Variants in CUX1 observed in about 807,000 individuals in gnomAD.
The protein encoded by CUX1 is protein CASP.
In CUX1, 31 loss-of-function variants were observed where a neutral mutation model predicts 158.8. That is an observed-to-expected ratio of 0.20 (90% CI 0.15 to 0.26). The LOEUF is 0.26. Ranked by LOEUF, CUX1 falls within the 10% of genes least tolerant of loss-of-function variation. The pLI is 1.00. For synonymous variants in CUX1, 879 were observed against 862.1 expected (o/e 1.02, Z -0.34); for missense variants, 1,589 against 2,014.6 (o/e 0.79, Z 4.04).
At chr7:102,131,754 C>G (rs1833267243) in intron 8 of CUX1, among the ~76,000 whole-genome samples, 1 of 151,332 alleles carries the variant, frequency 6.6e-6, no homozygotes, top group Non-Finnish European at 1.5e-5. Flanking sequence ...CTCACTGCAA[C>G]CTCTGCCTCC....
chr7:102,278,628 T>TTAAAATAAAATAAAATAAAATAAAA (rs55743678), intron 18 of CUX1, among the ~76,000 whole-genome samples: 4 of 101,676 alleles, frequency 3.9e-5, no homozygotes, highest in African/African-American at 1.1e-4. Flanking sequence ...TAAAATAAAA[T>TTAAAATAAAATAAAATAAAATAAAA]TAAAATAAAA....
chr7:101,830,646 AG>A (rs367818500), intron 1 of CUX1, among the ~76,000 whole-genome samples: 55 of 151,552 alleles, frequency 3.6e-4, no homozygotes, highest in African/African-American at 1.2e-3. Context: ...TTATACAAAC[AG>A]GGTCTTAGTA....
intron 9 of CUX1, among the ~76,000 whole-genome samples, chr7:102,169,526 C>G (rs1403412382): frequency 2.0e-5 from 3 of 152,234 alleles, no homozygotes; most frequent in African/African-American, 7.2e-5. Flanking sequence ...TAAGCCGGCA[C>G]AAGGCCATTC....
At position 102,251,711 on chromosome 7, in the gene CUX1, T is replaced by C. The variant is rs1343279981; in HGVS notation, c.*2669T>C. On this transcript the variant is annotated 3_prime_UTR_variant, in exon 24 of 24. Transcript: ENST00000292535. ...CAGAGCCCTGACGACTGTGGTGTCC[T>C]CTCCACAAAACCCTCAAGGGACTTT... is the stretch of plus-strand genomic sequence containing the variant. 1 of 985,266 alleles carries C rather than the reference T, an allele frequency of 1.0e-6. No individual in the cohort carries two copies. Among genetic ancestry groups the C allele is most frequent in the Non-Finnish European group, 1.2e-6 (1 of 829,920 alleles). The allele number at this position is 985,266 out of a possible 1,614,324, so 61.0% of individuals were successfully genotyped here. A position where few individuals can be genotyped will look rare whatever the true frequency, so the allele number is the denominator to read the frequency against.
Position 101,981,012 on chromosome 7 carries a change from T to C in CUX1, c.142-47086T>C, listed in dbSNP as rs112252693. The stretch of plus-strand genomic sequence containing the variant: ...AATATTTAGTTTGGTGCAAAAGTCA[T>C]TGTGGTTTTTGCAATTAATTGCAAA... On this transcript the variant is annotated intron_variant, in intron 2 of 23. Transcript: ENST00000292535. 6.6e-5 allele frequency among the ~76,000 whole-genome samples: 10 copies of C among 152,306 alleles called. 1 individual carries two copies. Among genetic ancestry groups the C allele is most frequent in the African/African-American group, 2.4e-4 (10 of 41,580 alleles).
In CUX1 at chr7:102,196,616, G is replaced by A. The variant is rs1794823595; in HGVS notation, c.1223-18G>A. On this transcript the variant is annotated intron_variant, in intron 14 of 23. Transcript: ENST00000292535. ...TTTGGAATCCCCCATAATGCATTCT[G>A]TTTGCCCTTCCTTGTAGGGTCAGCC... 2.0e-6 allele frequency: 3 copies of A among 1,512,948 alleles called. No individual in the cohort carries two copies. The Admixed American group carries it at 6.7e-5, about 34-fold the overall frequency. 93.7% of individuals were successfully genotyped at this position (1,512,948 alleles called of 1,614,324 possible). A position where few individuals can be genotyped will look rare whatever the true frequency, so the allele number is the denominator to read the frequency against.
chr7:102,097,281 G>A (rs1829294791), intron 4 of CUX1, 83 bp from the exon 5 acceptor site: 3 of 1,492,134 alleles, frequency 2.0e-6, no homozygotes, highest in Non-Finnish European at 2.7e-6. Context: ...TGTCCCAGGA[G>A]CCCCACTCTG....
chr7:102,239,727 C>T (rs1470994408), intron 23 of CUX1, 143 bp downstream of exon 23: 1 of 890,726 alleles, frequency 1.1e-6, no homozygotes, highest in Admixed American at 3.2e-5. Context: ...TCCTTGGTCC[C>T]TTAGGGTTTT....
At chr7:101,859,422 A>C (rs1331240791) in intron 1 of CUX1, among the ~76,000 whole-genome samples, 1 of 152,232 alleles carries the variant, frequency 6.6e-6, no homozygotes, top group Non-Finnish European at 1.5e-5. Flanking sequence ...TTAACATTTT[A>C]ATTTGTTGAT....
At chr7:101,816,159 C>G (rs1048144147), upstream of CUX1, 919 of 903,178 alleles carry the variant, frequency 1.0e-3, 1 homozygote, top group Non-Finnish European at 1.2e-3. Flanking sequence ...CGGCCTCCGC[C>G]GGGGGCCCCG....
intron 4 of CUX1, among the ~76,000 whole-genome samples, chr7:102,077,182 G>A (rs1826846919): frequency 6.6e-6 from 1 of 151,988 alleles, no homozygotes; most frequent in South Asian, 2.1e-4. Flanking sequence ...CCCTCAGGTG[G>A]CACCAACTGG....
At chr7:102,124,271 C>A (rs899199561) in intron 8 of CUX1, among the ~76,000 whole-genome samples, 8 of 152,170 alleles carry the variant, frequency 5.3e-5, no homozygotes, top group African/African-American at 1.9e-4. Flanking sequence ...GGATAACGGG[C>A]ATTTCTGCAG....
chr7:102,128,980 A>C (rs1832939573), intron 8 of CUX1, among the ~76,000 whole-genome samples: 2 of 151,984 alleles, frequency 1.3e-5, no homozygotes, highest in African/African-American at 4.8e-5. Context: ...TTTCAAAAAA[A>C]AAAGAGAAAA....
intron 8 of CUX1, among the ~76,000 whole-genome samples, chr7:102,116,749 G>T (rs537354649): frequency 2.0e-5 from 3 of 152,332 alleles, no homozygotes; most frequent in South Asian, 4.1e-4. Flanking sequence ...TGAGAGGGCA[G>T]TGGCTCTCTT....
intron 1 of CUX1, among the ~76,000 whole-genome samples, chr7:101,875,568 G>A (rs942230646): frequency 5.3e-5 from 8 of 152,132 alleles, no homozygotes; most frequent in Non-Finnish European, 7.3e-5. Flanking sequence ...CCCTTCTTTC[G>A]AGGTCGTGGT....
Position 102,255,924 on chromosome 7 carries a change from T to C in CUX1, c.*6882T>C. 1.0e-6 allele frequency: 1 copy of C among 985,468 alleles called. No homozygotes were observed. The highest frequency in any genetic ancestry group is 1.2e-6 in the Non-Finnish European group (1 of 829,922). The allele number at this position is 985,468 out of a possible 1,614,324, so 61.0% of individuals were successfully genotyped here. A position where few individuals can be genotyped will look rare whatever the true frequency, so the allele number is the denominator to read the frequency against. The stretch of plus-strand genomic sequence containing the variant: ...CTCTGTGCAATTGAAATCATTTTTC[T>C]TCATTTTAAAAAAATAACGTATTGC... On this transcript the variant is annotated 3_prime_UTR_variant, in exon 24 of 24. Coordinates refer to ENST00000292535, the MANE Select transcript of CUX1 (RefSeq NM_181552.4).
chr7:101,898,187 T>C (rs189346430), intron 1 of CUX1, among the ~76,000 whole-genome samples: 232 of 152,224 alleles, frequency 1.5e-3, no homozygotes, highest in African/African-American at 5.4e-3. Context: ...ATTGAAAACA[T>C]GTGAGAGGTA....
At chr7:102,068,511 G>A (rs1825796268) in intron 3 of CUX1, among the ~76,000 whole-genome samples, 1 of 152,106 alleles carries the variant, frequency 6.6e-6, no homozygotes, top group African/African-American at 2.4e-5. Context: ...TGCACAGCTT[G>A]TTAGAAGTTG....
At chr7:102,121,922 TTCCTG>T (rs1554493619) in intron 8 of CUX1, among the ~76,000 whole-genome samples, 1 of 152,140 alleles carries the variant, frequency 6.6e-6, no homozygotes, top group African/African-American at 2.4e-5. Context: ...AAGGCAGGCG[TTCCTG>T]GGGGGTTCAG....
Sources: allele counts gnomAD v4.1 joint callset (sites outside exome capture counted in the v4.1 genomes callset), GRCh38; gene constraint gnomAD v4.1.1; transcripts MANE v1.5; gene names NCBI Gene and HGNC (gene_info 2026-07-23, HGNC 2026-07-21).